OTOP2: variants seen among roughly 807,000 people sequenced by gnomAD.
OTOP2 encodes the protein otopetrin 2.
A neutral mutation model predicts 47.4 loss-of-function variants in OTOP2; 41 were observed. The observed-to-expected ratio is 0.87, with a 90% CI of 0.67 to 1.12. The LOEUF (loss-of-function observed/expected upper bound fraction) is 1.12, where lower values mean the gene tolerates loss of function less well. Among genes scored for constraint, OTOP2 ranks in the 50% most tolerant of loss-of-function variants. OTOP2 has a pLI of 0.00. For synonymous variants in OTOP2, 328 were observed against 319.6 expected, an observed-to-expected ratio of 1.03 and a Z score of -0.28; for missense variants, 721 against 752.2, an observed-to-expected ratio of 0.96 and a Z score of 0.49.
At chr17:74,931,558 G>A (rs981272229) in intron 6 of OTOP2, among the ~76,000 whole-genome samples, 2 of 152,206 alleles carry the variant, frequency 1.3e-5, no homozygotes, top group Non-Finnish European at 2.9e-5. Flanking sequence ...TCAGGAAGTA[G>A]CGGAGACCAG....
At chr17:74,932,215 C>A (rs932240009) in intron 6 of OTOP2, among the ~76,000 whole-genome samples, 10 of 152,108 alleles carry the variant, frequency 6.6e-5, no homozygotes, top group African/African-American at 2.4e-4. Flanking sequence ...GAAAAACAAT[C>A]CTTCCAGCTA....
At chr17:74,932,324 A>G (rs145920512) in intron 6 of OTOP2, among the ~76,000 whole-genome samples, 1 of 152,240 alleles carries the variant, frequency 6.6e-6, no homozygotes, top group East Asian at 1.9e-4. Context: ...TACCCCATGA[A>G]ATCCTACCTG....
Position 74,930,869 on chromosome 17 carries a change from G to C in OTOP2, c.1234G>C (p.Ala412Pro). 1 of 1,613,952 alleles carries C rather than the reference G, an allele frequency of 6.2e-7. No homozygotes were observed. The highest frequency in any genetic ancestry group is 8.5e-7 in the Non-Finnish European group (1 of 1,180,008). ...CCTCACCCATGCACTGCTCATGATCGCCCAGCACACCTTCCAGAACATGTT... is the reference window on the plus strand; with the variant it reads ...CCTCACCCATGCACTGCTCATGATCCCCCAGCACACCTTCCAGAACATGTT... Reference protein sequence around the residue: ...LNLTHALLMIAQHTFQNMFII... With the variant: ...LNLTHALLMIPQHTFQNMFII... The change falls in exon 6 of 7, where the codon GCC (alanine) becomes CCC (proline). Residue 412 changes from alanine to proline, a missense_variant. Ala to Pro is a conservative substitution (Grantham distance 27). Coordinates refer to ENST00000331427, the MANE Select transcript of OTOP2 (RefSeq NM_178160.3). The surrounding 1 kb of genome is among the most constrained non-coding windows in gnomAD (Gnocchi z 4.0).
chr17:74,925,753 C>T (rs1291595325), intron 3 of OTOP2, 61 bp downstream of exon 3: 1 of 1,604,748 alleles, frequency 6.2e-7, no homozygotes, highest in Non-Finnish European at 8.5e-7. Flanking sequence ...TTGGGAAGGA[C>T]CCAACAAGGG....
At position 74,927,247 on chromosome 17, in the gene OTOP2, A is replaced by G. The variant is rs1019057802; in HGVS notation, c.475A>G (p.Lys159Glu). 1 of 1,613,442 alleles carries G rather than the reference A, an allele frequency of 6.2e-7. No homozygotes were observed. The highest frequency in any genetic ancestry group is 1.3e-5 in the African/African-American group (1 of 74,910). ...GACCTACTTTCTCTGGGTCTCTGCT[A>G]AAGACTGCGTTCACGTCCACCTGGA... The part of the protein sequence containing the change: ...IQTYFLWVSA[K>E]DCVHVHLDLT... The change falls in exon 4 of 7, where the codon AAA becomes GAA. Residue 159 changes from lysine (K) to glutamate (E), a missense_variant. By Grantham distance (56) the Lys-to-Glu change is moderately conservative. Coordinates refer to ENST00000331427, the MANE Select transcript of OTOP2 (RefSeq NM_178160.3).
intron 6 of OTOP2, among the ~76,000 whole-genome samples, chr17:74,932,309 A>C (rs1378794877): frequency 6.6e-6 from 1 of 152,116 alleles, no homozygotes; most frequent in East Asian, 1.9e-4. Context: ...CCCCAGAGTG[A>C]ATTCTACCCC....
rs759249396 is a variant in OTOP2, at chr17:74,930,592, C to G, written c.957C>G (p.Ser319Arg). ...IYEVQVSGDG[S>R]RTRQALVIYY... The stretch of plus-strand genomic sequence containing the variant: ...AGGTTCAAGTGAGCGGGGACGGGAG[C>G]CGCACCAGGCAGGCCCTGGTCATCT... Residue 319 changes from serine to arginine, a missense_variant, in exon 6 of 7, where the codon AGC becomes AGG. Ser to Arg is a moderately radical substitution (Grantham distance 110). Coordinates refer to ENST00000331427, the MANE Select transcript of OTOP2 (RefSeq NM_178160.3). This position sits in a 1 kb window ranked among gnomAD's most constrained non-coding sequence, Gnocchi z 4.0. 3 of 1,613,944 alleles carry G rather than the reference C, an allele frequency of 1.9e-6. No individual in the cohort carries two copies. The highest frequency in any genetic ancestry group is 2.5e-6 in the Non-Finnish European group (3 of 1,179,994).
intron 3 of OTOP2, among the ~76,000 whole-genome samples, chr17:74,927,003 G>C (rs865889647): frequency 2.6e-5 from 4 of 152,262 alleles, no homozygotes; most frequent in East Asian, 3.9e-4. Flanking sequence ...TCAAGCTCTT[G>C]ACCTCAAGTG....
chr17:74,932,084 G>A (rs2039065043), intron 6 of OTOP2, among the ~76,000 whole-genome samples: 1 of 151,796 alleles, frequency 6.6e-6, no homozygotes, highest in South Asian at 2.1e-4. Flanking sequence ...GGTGTTTCTA[G>A]TACAACCCAA....
Position 74,930,293 on chromosome 17 carries a change from C to A in OTOP2, c.658C>A (p.Pro220Thr), listed in dbSNP as rs1386043275. Reference protein sequence around the residue: ...RLISDQHADNPVGGDSCLCST... With the variant: ...RLISDQHADNTVGGDSCLCST... ...CTCCACAACAGAGCATGCAGACAACCCGGTCGGAGGAGACTCCTGCCTCTG... is the reference window on the plus strand; with the variant it reads ...CTCCACAACAGAGCATGCAGACAACACGGTCGGAGGAGACTCCTGCCTCTG... Residue 220 changes from proline to threonine, a missense_variant, in exon 6 of 7, where the codon CCG becomes ACG. Transcript: ENST00000331427. This position sits in a 1 kb window ranked among gnomAD's most constrained non-coding sequence, Gnocchi z 4.0. The A allele has an allele frequency of 6.2e-7, 1 of 1,612,276 alleles. No homozygotes were observed. Among genetic ancestry groups the A allele is most frequent in the Non-Finnish European group, 8.5e-7 (1 of 1,178,596 alleles).
In OTOP2 at chr17:74,931,028, G is replaced by T. The variant is rs6501741; in HGVS notation, c.1393G>T (p.Gly465Trp). 0.65 allele frequency: 1,041,954 copies of T among 1,613,842 alleles called. 342,245 individuals carry two copies. Among genetic ancestry groups the T allele is most frequent in the South Asian group, 0.71 (64,989 of 91,076 alleles). Reference sequence around the variant, plus strand: ...GTTGTCCGCCTGCCCACCCAACCCCGGGCTGGTTAGCCCCAGCCCTTCAGA... The same window carrying T: ...GTTGTCCGCCTGCCCACCCAACCCCTGGCTGGTTAGCCCCAGCCCTTCAGA... ...HTLSACPPNP[G>W]LVSPSPSDQR... Residue 465 changes from glycine to tryptophan, a missense_variant, in exon 6 of 7, where the codon GGG (glycine) becomes TGG (tryptophan). Transcript: ENST00000331427.
chr17:74,924,710 G>A lies in OTOP2; in HGVS notation c.78G>A (p.Lys26=), dbSNP rs1284540445. 2 of 1,605,468 alleles carry A rather than the reference G, an allele frequency of 1.2e-6. No individual in the cohort carries two copies. Among genetic ancestry groups the A allele is most frequent in the Non-Finnish European group, 1.7e-6 (2 of 1,177,014 alleles). ...PRAGPREVWK[K]GGRLLSVLLA... ...CGGGCCCCAGGGAGGTGTGGAAGAA[G>A]GGTGGCCGCCTGCTGTCGGTGCTGC... is the stretch of plus-strand genomic sequence containing the variant. Residue 26 remains lysine, a synonymous_variant, in exon 2 of 7, where the codon AAG becomes AAA. Coordinates refer to ENST00000331427, the MANE Select transcript of OTOP2 (RefSeq NM_178160.3). The surrounding 1 kb of genome is among the most constrained non-coding windows in gnomAD (Gnocchi z 7.7).
At chr17:74,925,280 C>T (rs1295875067) in intron 2 of OTOP2, among the ~76,000 whole-genome samples, 1 of 152,116 alleles carries the variant, frequency 6.6e-6, no homozygotes, top group Admixed American at 6.5e-5. Flanking sequence ...GCGGTATCCA[C>T]ACAGCCCCAA....
intron 3 of OTOP2, among the ~76,000 whole-genome samples, chr17:74,926,433 A>T (rs1267835662): frequency 6.6e-6 from 1 of 152,212 alleles, no homozygotes; most frequent in Non-Finnish European, 1.5e-5. Context: ...AGGCAGCCAG[A>T]TGGTAGCAAG....
rs200493977 is a variant in OTOP2 at position 74,925,624 on chromosome 17, T to C, written c.382T>C (p.Phe128Leu). 7.7e-5 allele frequency: 125 copies of C among 1,614,156 alleles called. No individual in the cohort carries two copies. The East Asian group carries it at 2.6e-3, about 33-fold the overall frequency. The change falls in exon 3 of 7, where the codon TTC becomes CTC. Residue 128 changes from phenylalanine (F) to leucine (L), a missense_variant. By Grantham distance (22) the Phe-to-Leu change is conservative (BLOSUM62 0). Coordinates refer to ENST00000331427, the MANE Select transcript of OTOP2 (RefSeq NM_178160.3). ...CTTCAAGACCGGCTACTACTCCAGTTTCTTTGAGTGCCAGTCAGCCATCAA... is the reference window on the plus strand; with the variant it reads ...CTTCAAGACCGGCTACTACTCCAGTCTCTTTGAGTGCCAGTCAGCCATCAA... ...DVFKTGYYSS[F>L]FECQSAIKIL...
chr17:74,924,982 A>T lies in OTOP2; in HGVS notation c.313+37A>T. On this transcript the variant is annotated intron_variant, in intron 2 of 6. Coordinates refer to ENST00000331427, the MANE Select transcript of OTOP2 (RefSeq NM_178160.3). This position sits in a 1 kb window ranked among gnomAD's most constrained non-coding sequence, Gnocchi z 7.7. ...GGTGGGGGCGAGGTAGGGTGGGCAC[A>T]ACAGGGAGCTGCAGGCTAGGGCTCT... 1 of 1,516,564 alleles carries T rather than the reference A, an allele frequency of 6.6e-7. No individual in the cohort carries two copies. 93.9% of individuals were successfully genotyped at this position (1,516,564 alleles called of 1,614,324 possible).
intron 5 of OTOP2, among the ~76,000 whole-genome samples, chr17:74,928,824 C>T (rs942060973): frequency 1.3e-5 from 2 of 152,252 alleles, no homozygotes; most frequent in Admixed American, 6.5e-5. Flanking sequence ...GACATGCACG[C>T]TCCTAGCATG....
Position 74,930,659 on chromosome 17 carries a change from G to T in OTOP2, c.1024G>T (p.Val342Phe), listed in dbSNP as rs2039047947. The change falls in exon 6 of 7, where the codon GTC becomes TTC. Residue 342 changes from valine to phenylalanine, a missense_variant. By Grantham distance (50) the Val-to-Phe change is conservative. Transcript: ENST00000331427. This position sits in a 1 kb window ranked among gnomAD's most constrained non-coding sequence, Gnocchi z 4.0. ...NIVCLGLTTL[V>F]SLSGSIIYRF... ...TGTCTGCTTGGGACTCACCACCTTG[G>T]TCAGCCTGAGCGGCTCCATCATCTA... 2 of 1,613,858 alleles carry T rather than the reference G, an allele frequency of 1.2e-6. No individual in the cohort carries two copies. The highest frequency in any genetic ancestry group is 1.3e-5 in the African/African-American group (1 of 74,860).
intron 5 of OTOP2, among the ~76,000 whole-genome samples, chr17:74,928,446 C>T (rs2039029165): frequency 6.6e-6 from 1 of 152,066 alleles, no homozygotes; most frequent in Non-Finnish European, 1.5e-5. Context: ...TTCTGTGGTG[C>T]AAGCATGGAT....
Sources: allele counts gnomAD v4.1 joint callset (sites outside exome capture counted in the v4.1 genomes callset), GRCh38; gene constraint gnomAD v4.1.1; non-coding constraint Gnocchi (gnomAD v3.1); transcripts MANE v1.5; gene names NCBI Gene and HGNC (gene_info 2026-07-23, HGNC 2026-07-21).